Variants in SMIM14 observed in about 807,000 individuals in gnomAD.
SMIM14 encodes the protein small integral membrane protein 14.
A neutral mutation model predicts 12.6 loss-of-function variants in SMIM14; 5 were observed. That is an observed-to-expected ratio of 0.40 (90% CI 0.21 to 0.83). The LOEUF is 0.83. Ranked by LOEUF, SMIM14 falls within the 40% of genes least tolerant of loss-of-function variation. The pLI is 0.37. For missense variants in SMIM14, 86 were observed against 119.1 expected (o/e 0.72, Z 1.29); for synonymous variants, 30 against 40.1 (o/e 0.75, Z 0.95).
intron 2 of SMIM14, among the ~76,000 whole-genome samples, chr4:39,577,329 C>G (rs1713255123): frequency 1.3e-5 from 2 of 151,972 alleles, no homozygotes; most frequent in African/African-American, 4.8e-5. Flanking sequence ...AGTGTTTCTC[C>G]TAGGTAAAGG....
chr4:39,559,311 C>A (rs1247979017), intron 3 of SMIM14, among the ~76,000 whole-genome samples: 1 of 151,708 alleles, frequency 6.6e-6, no homozygotes, highest in Non-Finnish European at 1.5e-5. Flanking sequence ...ATTGCTTGAA[C>A]CCAGAAGGCA....
At chr4:39,597,781 C>G (rs1714434169) in intron 2 of SMIM14, among the ~76,000 whole-genome samples, 2 of 152,004 alleles carry the variant, frequency 1.3e-5, no homozygotes, top group Admixed American at 1.3e-4. Flanking sequence ...GTAGCTGTAC[C>G]TCACTACATC....
At position 39,550,881 on chromosome 4, in the gene SMIM14, T is replaced by TAAC. The variant is rs911989192; in HGVS notation, c.*1242_*1244dup. On this transcript the variant is annotated 3_prime_UTR_variant, in exon 5 of 5. Coordinates refer to ENST00000295958, the MANE Select transcript of SMIM14 (RefSeq NM_174921.3). ...AATAGGCATTCAAATATCAGTAACC[T>TAAC]AACAGGCCCTAATACAGCTTTAAGA... is the stretch of plus-strand genomic sequence containing the variant. The TAAC allele has an allele frequency of 6.6e-6, 1 of 151,838 alleles. No individual in the cohort carries two copies. Among genetic ancestry groups the TAAC allele is most frequent in the African/African-American group, 2.4e-5 (1 of 41,360 alleles). The allele number at this position is 151,838 out of a possible 1,614,324, so 9.4% of individuals were successfully genotyped here. A position where few individuals can be genotyped will look rare whatever the true frequency, so the allele number is the denominator to read the frequency against.
chr4:39,574,755 C>T (rs1013986310), intron 2 of SMIM14, among the ~76,000 whole-genome samples: 2 of 152,120 alleles, frequency 1.3e-5, no homozygotes, highest in African/African-American at 2.4e-5. Context: ...AACTAAACAA[C>T]TATTGGAATT....
chr4:39,577,617 AG>A (rs1289406106), intron 2 of SMIM14, among the ~76,000 whole-genome samples: 2 of 152,002 alleles, frequency 1.3e-5, no homozygotes, highest in Non-Finnish European at 2.9e-5. Context: ...TAGGAGACAC[AG>A]GGTTTCACCA....
intron 2 of SMIM14, among the ~76,000 whole-genome samples, chr4:39,584,560 C>T (rs1713689129): frequency 1.4e-5 from 2 of 146,190 alleles, no homozygotes; most frequent in South Asian, 4.3e-4. Context: ...ATTTAGGAGG[C>T]CTAGGTGGGC....
At chr4:39,633,545 A>T (rs1046564775) in intron 1 of SMIM14, among the ~76,000 whole-genome samples, 3 of 152,126 alleles carry the variant, frequency 2.0e-5, no homozygotes, top group African/African-American at 7.2e-5. Context: ...TCAAGGCAGA[A>T]GGATCATTTG....
At chr4:39,569,600 G>C (rs939440296) in intron 3 of SMIM14, among the ~76,000 whole-genome samples, 1 of 152,034 alleles carries the variant, frequency 6.6e-6, no homozygotes, top group Non-Finnish European at 1.5e-5. Flanking sequence ...AGCCAGGCAC[G>C]GTGGCTCATG....
chr4:39,617,932 C>G (rs1715281346), intron 1 of SMIM14, among the ~76,000 whole-genome samples: 1 of 152,124 alleles, frequency 6.6e-6, no homozygotes, highest in Non-Finnish European at 1.5e-5. Flanking sequence ...AGGAAAATGA[C>G]AATGCCTAAA....
intron 1 of SMIM14, among the ~76,000 whole-genome samples, chr4:39,629,794 T>C (rs910499364): frequency 6.6e-6 from 1 of 151,894 alleles, no homozygotes; most frequent in African/African-American, 2.4e-5. Flanking sequence ...CAGCCAATTT[T>C]TTTACTTTTT....
chr4:39,586,627 C>A (rs1010929081), intron 2 of SMIM14, among the ~76,000 whole-genome samples: 6 of 152,092 alleles, frequency 3.9e-5, no homozygotes, highest in Non-Finnish European at 8.8e-5. Flanking sequence ...CTTCTACCAA[C>A]AGTCCCTCAC....
chr4:39,632,823 AC>A (rs1315618528), intron 1 of SMIM14, among the ~76,000 whole-genome samples: 1 of 145,932 alleles, frequency 6.9e-6, no homozygotes, highest in Non-Finnish European at 1.5e-5. Flanking sequence ...ACACACACAC[AC>A]ACAAAAGAAA....
chr4:39,611,987 A>T (rs1230381885), intron 1 of SMIM14: 1 of 151,702 alleles, frequency 6.6e-6, no homozygotes, highest in Non-Finnish European at 1.5e-5. Context: ...GGAGAAGGGG[A>T]GGTGAGAATT....
intron 3 of SMIM14, among the ~76,000 whole-genome samples, chr4:39,561,711 G>A (rs1712317307): frequency 6.6e-6 from 1 of 152,012 alleles, no homozygotes; most frequent in Non-Finnish European, 1.5e-5. Flanking sequence ...CCTGAGGTCT[G>A]GAATTCAACA....
intron 2 of SMIM14, among the ~76,000 whole-genome samples, chr4:39,579,059 A>G (rs1180723862): frequency 6.6e-6 from 1 of 151,828 alleles, no homozygotes; most frequent in Non-Finnish European, 1.5e-5. Flanking sequence ...TATGAGTAGA[A>G]TAATATGAAG....
At position 39,592,350 on chromosome 4, in the gene SMIM14, G is replaced by A. The variant is rs184440775; in HGVS notation, c.75+12721C>T. On this transcript the variant is annotated intron_variant, in intron 2 of 4. Transcript: ENST00000295958. The stretch of plus-strand genomic sequence containing the variant: ...AATCCTGCCTTTAAACAATCCTCCC[G>A]CCTCTGCCTCCGAAAGTGCTGAGAT... Among the ~76,000 whole-genome samples, 19 of 141,338 alleles carry A rather than the reference G, an allele frequency of 1.3e-4. No homozygotes were observed. The East Asian group carries it at 4.0e-3, about 30-fold the overall frequency. The allele number at this position is 141,338 out of a possible 152,430, so 92.7% of individuals were successfully genotyped here. A position where few individuals can be genotyped will look rare whatever the true frequency, so the allele number is the denominator to read the frequency against.
chr4:39,594,880 C>T (rs1471801186), intron 2 of SMIM14, among the ~76,000 whole-genome samples: 2 of 151,180 alleles, frequency 1.3e-5, no homozygotes, highest in Non-Finnish European at 3.0e-5. Context: ...GTTAGAATGG[C>T]GATCATTAAA....
At position 39,558,733 on chromosome 4, in the gene SMIM14, A is replaced by T. The variant is rs917594304; in HGVS notation, c.125-2163T>A. ...TCTTTTTTTTGTTTGTTTTTTTGAGACAGAGTCTTGCCCTGTCGTCCAAGC... is the reference window on the plus strand; with the variant it reads ...TCTTTTTTTTGTTTGTTTTTTTGAGTCAGAGTCTTGCCCTGTCGTCCAAGC... On this transcript the variant is annotated intron_variant, in intron 3 of 4. Transcript: ENST00000295958. The surrounding 1 kb of genome is among the most constrained non-coding windows in gnomAD (Gnocchi z 4.3). 6.6e-6 allele frequency among the ~76,000 whole-genome samples: 1 copy of T among 152,156 alleles called. No homozygotes were observed.
At chr4:39,579,410 C>CAAAAAAAAAAAAAAAAAAAAA (rs11300565) in intron 2 of SMIM14, among the ~76,000 whole-genome samples, 1 of 102,234 alleles carries the variant, frequency 9.8e-6, no homozygotes, top group African/African-American at 3.6e-5. Context: ...ACAGTGCCTC[C>CAAAAAAAAAAAAAAAAAAAAA]AAAAAAAAAA....
Sources: gnomAD v4.1 joint callset for allele counts (sites outside exome capture counted in the v4.1 genomes callset) on GRCh38, gnomAD v4.1.1 for gene constraint, Gnocchi (gnomAD v3.1) non-coding constraint, MANE v1.5 for transcripts, NCBI Gene and HGNC (gene_info 2026-07-23, HGNC 2026-07-21) for gene names.